The following MYO16 variants were observed in gnomAD, a reference collection of about 807,000 sequenced individuals.
The protein encoded by MYO16 is myosin XVI.
In MYO16, 94 loss-of-function variants were observed where a neutral mutation model predicts 205.3. The ratio of observed to expected loss-of-function variants is 0.46; its 90% CI spans 0.39 to 0.54. The LOEUF (loss-of-function observed/expected upper bound fraction) is 0.54. Ranked by LOEUF, MYO16 falls within the 20% of genes least tolerant of loss-of-function variation. MYO16 has a pLI of 0.00. For synonymous variants in MYO16, 988 were observed against 954.0 expected (o/e 1.04, Z -0.66); for missense variants, 2,315 against 2,387.5 (o/e 0.97, Z 0.63).
intron 20 of MYO16, among the ~76,000 whole-genome samples, chr13:108,975,791 C>A (rs1376913669): frequency 6.6e-6 from 1 of 152,074 alleles, no homozygotes; most frequent in Non-Finnish European, 1.5e-5. Context: ...ATGCCTTCCA[C>A]CCTCCATGTG....
chr13:108,546,345 C>A, the MYO16 span, among the ~76,000 whole-genome samples: 2 of 152,128 alleles, frequency 1.3e-5, no homozygotes, highest in African/African-American at 4.8e-5. Context: ...TGAAAATAGG[C>A]TCTTCTAGGG....
intron 2 of MYO16, among the ~76,000 whole-genome samples, chr13:108,676,483 G>A (rs960767102): frequency 3.3e-5 from 5 of 151,756 alleles, no homozygotes; most frequent in Non-Finnish European, 7.4e-5. Context: ...ACTGTACTGG[G>A]TTAAAAATTT....
At chr13:109,050,952 A>G (rs925144364) in intron 24 of MYO16, among the ~76,000 whole-genome samples, 8 of 151,930 alleles carry the variant, frequency 5.3e-5, no homozygotes, top group African/African-American at 1.9e-4. Flanking sequence ...AGAATCAGAC[A>G]TTTGTTCAGG....
intron 16 of MYO16, among the ~76,000 whole-genome samples, chr13:108,951,679 G>A (rs970022332): frequency 1.3e-5 from 2 of 152,080 alleles, no homozygotes; most frequent in Non-Finnish European, 2.9e-5. Context: ...GTGAAGAAAT[G>A]AACAGTATAT....
intron 28 of MYO16, among the ~76,000 whole-genome samples, chr13:109,115,256 A>C (rs949925729): frequency 2.7e-4 from 41 of 151,114 alleles, no homozygotes; most frequent in African/African-American, 9.9e-4. Flanking sequence ...AAAAAAAAAA[A>C]AAAAAAAAAA....
chr13:109,003,114 AC>A lies in MYO16; in HGVS notation c.2443-5782del, dbSNP rs372166149. On this transcript the variant is annotated intron_variant, in intron 21 of 34. Coordinates refer to ENST00000457511, the MANE Select transcript of MYO16 (RefSeq NM_001198950.3). ...TACACCAAAATTATTTTGAAAAAAAACATTCTACTTTAAACTACATATGTTT... is the reference window on the plus strand; with the variant it reads ...TACACCAAAATTATTTTGAAAAAAAAATTCTACTTTAAACTACATATGTTT... Among the ~76,000 whole-genome samples the A allele has an allele frequency of 1.3e-3, 203 of 152,320 alleles. 1 individual carries two copies. The highest frequency in any genetic ancestry group is 4.4e-3 in the African/African-American group (182 of 41,566).
intron 22 of MYO16, among the ~76,000 whole-genome samples, chr13:109,016,519 G>T (rs1427789280): frequency 5.9e-5 from 9 of 152,178 alleles, no homozygotes; most frequent in Admixed American, 3.9e-4. Flanking sequence ...GGATATCCTT[G>T]TTAACTTTCT....
intron 32 of MYO16, among the ~76,000 whole-genome samples, chr13:109,145,370 G>GA (rs35190969): frequency 0.71 from 105,967 of 149,308 alleles, 37,965 homozygotes; most frequent in Middle Eastern, 0.82. Context: ...AAAAGAGACA[G>GA]AAAAAAAAAA....
At chr13:109,047,875 A>G (rs553689481) in intron 24 of MYO16, among the ~76,000 whole-genome samples, 1 of 152,264 alleles carries the variant, frequency 6.6e-6, no homozygotes, top group African/African-American at 2.4e-5. Context: ...CAGCTGTAAT[A>G]CACTGTTTTT....
At chr13:108,968,360 A>T (rs145448118) in intron 20 of MYO16, among the ~76,000 whole-genome samples, 223 of 152,342 alleles carry the variant, frequency 1.5e-3, no homozygotes, top group Middle Eastern at 6.8e-3. Context: ...CTGTAATCCC[A>T]GCACTTTGGG....
the MYO16 span, among the ~76,000 whole-genome samples, chr13:108,532,941 C>A: frequency 1.3e-5 from 2 of 151,924 alleles, no homozygotes; most frequent in Non-Finnish European, 2.9e-5. Context: ...AGAATGGCAC[C>A]CAGAAGAGCA....
At chr13:108,745,285 G>A (rs1451269334) in intron 4 of MYO16, among the ~76,000 whole-genome samples, 1 of 152,162 alleles carries the variant, frequency 6.6e-6, no homozygotes, top group African/African-American at 2.4e-5. Flanking sequence ...CTAGTATGGA[G>A]TGAGGAAACC....
chr13:108,864,860 C>T (rs1439636157), intron 11 of MYO16, among the ~76,000 whole-genome samples: 2 of 152,128 alleles, frequency 1.3e-5, no homozygotes, highest in Non-Finnish European at 2.9e-5. Flanking sequence ...TGTACATACA[C>T]TTAGTGAAAT....
intron 2 of MYO16, among the ~76,000 whole-genome samples, chr13:108,671,630 A>C (rs1471623553): frequency 1.3e-5 from 2 of 152,178 alleles, no homozygotes; most frequent in African/African-American, 2.4e-5. Context: ...TAAAAATTAA[A>C]ATATTTGGCT....
At chr13:108,657,683 T>C (rs1169013237) in intron 1 of MYO16, among the ~76,000 whole-genome samples, 3 of 152,208 alleles carry the variant, frequency 2.0e-5, no homozygotes, top group Non-Finnish European at 4.4e-5. Flanking sequence ...GTATTTTGAC[T>C]TGCATTCAGC....
chr13:109,070,633 C>T (rs1566491309), intron 27 of MYO16, among the ~76,000 whole-genome samples: 1 of 152,100 alleles, frequency 6.6e-6, no homozygotes, highest in Non-Finnish European at 1.5e-5. Context: ...AATAGTCTTT[C>T]TCCCCAAAAA....
At position 109,141,450 on chromosome 13, in the gene MYO16, C is replaced by A; in HGVS notation, c.5164+74C>A. 9.9e-7 allele frequency: 1 copy of A among 1,013,794 alleles called. No homozygotes were observed. The highest frequency in any genetic ancestry group is 1.3e-6 in the Non-Finnish European group (1 of 741,816). 62.8% of individuals were successfully genotyped at this position (1,013,794 alleles called of 1,614,324 possible). The stretch of plus-strand genomic sequence containing the variant: ...TGCGTGCACCTGTGTACATCCGTGT[C>A]TGCGCAGATGTGAAATAGTAAAGTT... On this transcript the variant is annotated intron_variant, in intron 32 of 34. Transcript: ENST00000457511. This position sits in a 1 kb window ranked among gnomAD's most constrained non-coding sequence, Gnocchi z 4.1.
At chr13:108,500,617 T>C in the MYO16 span, among the ~76,000 whole-genome samples, 1 of 152,142 alleles carries the variant, frequency 6.6e-6, no homozygotes, top group Admixed American at 6.5e-5. Flanking sequence ...TTATCAAGTC[T>C]TTACAATGTG....
chr13:109,185,277 G>T (rs922682716), intron 34 of MYO16, among the ~76,000 whole-genome samples: 1 of 152,088 alleles, frequency 6.6e-6, no homozygotes, highest in Non-Finnish European at 1.5e-5. Context: ...AAAAGAACTA[G>T]ATAAGAATCC....
Sources: allele counts gnomAD v4.1 joint callset (sites outside exome capture counted in the v4.1 genomes callset), GRCh38; gene constraint gnomAD v4.1.1; non-coding constraint Gnocchi (gnomAD v3.1); transcripts MANE v1.5; gene names NCBI Gene and HGNC (gene_info 2026-07-23, HGNC 2026-07-21).